The following PTGR2 variants were observed in gnomAD, a reference collection of about 807,000 sequenced individuals.
PTGR2 encodes the protein prostaglandin reductase 2.
Under a neutral mutation model 43.4 loss-of-function variants are expected in PTGR2, and 32 were observed. The ratio of observed to expected loss-of-function variants is 0.74; its 90% CI spans 0.56 to 0.99. The LOEUF (loss-of-function observed/expected upper bound fraction) is 0.99. Among genes scored for constraint, PTGR2 ranks in the 50% least tolerant of loss-of-function variants. PTGR2 has a pLI of 0.00. For missense variants in PTGR2, 373 were observed against 420.0 expected (o/e 0.89, Z 0.98); for synonymous variants, 106 against 139.2 (o/e 0.76, Z 1.68).
chr14:73,867,376 A>G (rs1363472444), intron 3 of PTGR2, among the ~76,000 whole-genome samples: 2 of 152,120 alleles, frequency 1.3e-5, no homozygotes, highest in East Asian at 1.9e-4. Context: ...CTTCATAGAT[A>G]TGTATGTATC....
chr14:73,873,437 T>C (rs2054782876), intron 3 of PTGR2, among the ~76,000 whole-genome samples: 2 of 152,046 alleles, frequency 1.3e-5, no homozygotes, highest in African/African-American at 4.8e-5. Context: ...TCTACCCTTA[T>C]GGCAAGTTTC....
chr14:73,862,450 A>G (rs889352797), intron 3 of PTGR2, among the ~76,000 whole-genome samples: 1 of 151,906 alleles, frequency 6.6e-6, no homozygotes. Context: ...CTCGTGATCC[A>G]CCCGCCTCGG....
intron 9 of PTGR2, 43 bp downstream of exon 9, chr14:73,882,481 C>G (rs1262724103): frequency 3.2e-6 from 4 of 1,253,254 alleles, no homozygotes; most frequent in Non-Finnish European, 4.6e-6. Flanking sequence ...GCTCAGCACA[C>G]AAAGATAAAG....
chr14:73,860,572 G>A lies in PTGR2; in HGVS notation c.71G>A (p.Arg24Gln), dbSNP rs138479580. 105 of 1,579,118 alleles carry A rather than the reference G, an allele frequency of 6.6e-5. No homozygotes were observed. The highest frequency in any genetic ancestry group is 5.8e-4 in the Admixed American group (33 of 56,440). ...KNGNPVAENF[R>Q]MEEVYLPDNI... The stretch of plus-strand genomic sequence containing the variant: ...GGTAATCCAGTGGCAGAGAATTTCC[G>A]AATGGAAGAAGTCTATTTACCAGAT... Residue 24 changes from arginine to glutamine, a missense_variant, in exon 3 of 10, where the codon CGA becomes CAA. Arg to Gln is a conservative substitution (Grantham distance 43). Transcript: ENST00000555661.
chr14:73,857,664 G>GTTTTGTT (rs2054383610), intron 1 of PTGR2, among the ~76,000 whole-genome samples: 1 of 64,696 alleles, frequency 1.5e-5, no homozygotes, highest in Non-Finnish European at 2.7e-5. Flanking sequence ...AGCAGTTAGT[G>GTTTTGTT]TTTTTTTTTT....
At position 73,879,280 on chromosome 14, in the gene PTGR2, A is replaced by G; in HGVS notation, c.704A>G (p.Asn235Ser). Residue 235 changes from asparagine to serine, a missense_variant, in exon 6 of 10, where the codon AAC (asparagine) becomes AGC (serine). By Grantham distance (46) the Asn-to-Ser change is conservative. Coordinates refer to ENST00000555661, the MANE Select transcript of PTGR2 (RefSeq NM_001146154.2). ...GTTTATTTTGACAATGTTGGTGGTA[A>G]CATCAGTGATACAGTGATAAGTCAG... Reference protein sequence around the residue: ...VDVYFDNVGGNISDTVISQMN... With the variant: ...VDVYFDNVGGSISDTVISQMN... 1 of 1,614,124 alleles carries G rather than the reference A, an allele frequency of 6.2e-7. No homozygotes were observed. The highest frequency in any genetic ancestry group is 8.5e-7 in the Non-Finnish European group (1 of 1,179,992).
chr14:73,880,227 T>G (rs376839716), intron 7 of PTGR2, 51 bp downstream of exon 7: 12 of 1,593,556 alleles, frequency 7.5e-6, no homozygotes, highest in South Asian at 2.2e-5. Context: ...GTTTTAAATA[T>G]CATAGATGTG....
At chr14:73,860,760 A>G in intron 3 of PTGR2, 103 bp downstream of exon 3, 1 of 668,130 alleles carries the variant, frequency 1.5e-6, no homozygotes, top group Non-Finnish European at 2.7e-6. Flanking sequence ...ATTGGTAAAT[A>G]TTTGAGCAGT....
intron 1 of PTGR2, among the ~76,000 whole-genome samples, chr14:73,855,567 C>A (rs907253014): frequency 6.6e-6 from 1 of 151,876 alleles, no homozygotes; most frequent in Non-Finnish European, 1.5e-5. Flanking sequence ...CTGCCTCAGT[C>A]TCTGAGTAGC....
intron 1 of PTGR2, among the ~76,000 whole-genome samples, chr14:73,854,676 A>C (rs1214647710): frequency 6.6e-6 from 1 of 152,218 alleles, no homozygotes; most frequent in Non-Finnish European, 1.5e-5. Flanking sequence ...AAATTTAGCC[A>C]TTATGGTTCT....
rs763443070 is a variant in PTGR2, at chr14:73,858,911, C to T, written c.37+12C>T. The T allele has an allele frequency of 1.2e-5, 19 of 1,602,382 alleles. No homozygotes were observed. The highest frequency in any genetic ancestry group is 8.8e-5 in the South Asian group (8 of 90,460). The stretch of plus-strand genomic sequence containing the variant: ...GAATTCTCGACCTGGTATGTATTTG[C>T]GATGAATGAACAACTCTGATCTTTG... On this transcript the variant is annotated intron_variant, in intron 2 of 9. Coordinates refer to ENST00000555661, the MANE Select transcript of PTGR2 (RefSeq NM_001146154.2).
At chr14:73,875,002 G>T (rs1332668778) in intron 4 of PTGR2, among the ~76,000 whole-genome samples, 2 of 152,082 alleles carry the variant, frequency 1.3e-5, no homozygotes, top group Non-Finnish European at 2.9e-5. Context: ...GGGATTATAG[G>T]TGTGCACCAC....
intron 8 of PTGR2, among the ~76,000 whole-genome samples, chr14:73,881,715 T>C (rs1470595290): frequency 6.6e-6 from 1 of 152,014 alleles, no homozygotes; most frequent in African/African-American, 2.4e-5. Flanking sequence ...GTCTTAGTTG[T>C]TGATCGAAAA....
intron 3 of PTGR2, among the ~76,000 whole-genome samples, chr14:73,869,370 C>T (rs1339113829): frequency 6.6e-6 from 1 of 150,820 alleles, no homozygotes; most frequent in Non-Finnish European, 1.5e-5. Context: ...GCCATCAATA[C>T]CAAAAAAAGG....
chr14:73,880,087 T>A lies in PTGR2; in HGVS notation c.762T>A (p.Gly254=). 6.2e-7 allele frequency: 1 copy of A among 1,613,776 alleles called. No individual in the cohort carries two copies. Among genetic ancestry groups the A allele is most frequent in the Non-Finnish European group, 8.5e-7 (1 of 1,179,752 alleles). Residue 254 remains glycine (G), a synonymous_variant, in exon 7 of 10, where the codon GGT becomes GGA. Transcript: ENST00000555661. Reference sequence around the variant, plus strand: ...AGAACAGCCACATCATCCTGTGTGGTCAAATTTCTCAGTACAACAAAGATG... The same window carrying A: ...AGAACAGCCACATCATCCTGTGTGGACAAATTTCTCAGTACAACAAAGATG... The part of the protein sequence containing the change: ...MNENSHIILC[G]QISQYNKDVP...
chr14:73,857,620 CAA>C (rs111810763), intron 1 of PTGR2, among the ~76,000 whole-genome samples: 4 of 134,650 alleles, frequency 3.0e-5, no homozygotes, highest in Admixed American at 7.9e-5. Context: ...TCCCCCACTC[CAA>C]AAAAAAAATT....
chr14:73,878,651 G>A (rs1039613707), intron 5 of PTGR2: 13 of 477,254 alleles, frequency 2.7e-5, no homozygotes, highest in Admixed American at 2.2e-4. Context: ...CAGCTGGAGT[G>A]GATGTTTATT....
intron 8 of PTGR2, 116 bp downstream of exon 8, chr14:73,881,408 A>G (rs2054984722): frequency 3.2e-6 from 2 of 617,012 alleles, no homozygotes; most frequent in South Asian, 2.4e-5. Flanking sequence ...CTACAAAAGA[A>G]AAGTATGCTG....
At chr14:73,852,906 G>T (rs745748965) in intron 1 of PTGR2, among the ~76,000 whole-genome samples, 8 of 151,862 alleles carry the variant, frequency 5.3e-5, no homozygotes, top group Non-Finnish European at 1.0e-4. Context: ...GCTCACTGCA[G>T]CCTCAGTCTC....
Sources: allele counts gnomAD v4.1 joint callset (sites outside exome capture counted in the v4.1 genomes callset), GRCh38; gene constraint gnomAD v4.1.1; transcripts MANE v1.5; gene names NCBI Gene and HGNC (gene_info 2026-07-23, HGNC 2026-07-21).